Variants in HHAT observed in about 807,000 individuals in gnomAD.
HHAT encodes the protein protein-cysteine N-palmitoyltransferase HHAT.
HHAT carries 47 observed loss-of-function variants against 70.8 expected under a neutral mutation model. That is an observed-to-expected ratio of 0.66 (90% confidence interval 0.53 to 0.85). The LOEUF is 0.85. Ranked by LOEUF, HHAT falls within the 40% of genes least tolerant of loss-of-function variation. The pLI, the probability that HHAT is intolerant of heterozygous loss-of-function variation, is 0.00. For synonymous variants in HHAT, 228 were observed against 247.6 expected (o/e 0.92, Z 0.74); for missense variants, 609 against 604.8 (o/e 1.01, Z -0.07).
chr1:210,586,153 G>A (rs1344307971), intron 9 of HHAT, among the ~76,000 whole-genome samples: 1 of 152,094 alleles, frequency 6.6e-6, no homozygotes, highest in African/African-American at 2.4e-5. Flanking sequence ...CTATACAGTT[G>A]TTCTATTAAG....
intron 6 of HHAT, among the ~76,000 whole-genome samples, chr1:210,415,487 A>G (rs1481102889): frequency 4.6e-5 from 7 of 152,228 alleles, no homozygotes; most frequent in African/African-American, 9.6e-5. Context: ...AGGATACCCA[A>G]TCTTGCTTCT....
chr1:210,386,230 C>CTTTCTTTCTTTTTTTTTTTTTTTT (rs1324452281), intron 3 of HHAT, among the ~76,000 whole-genome samples: 1 of 69,922 alleles, frequency 1.4e-5, no homozygotes, highest in South Asian at 6.3e-4. Context: ...TTCTTTTTTT[C>CTTTCTTTCTTTTTTTTTTTTTTTT]TTTTTTTTTT....
intron 9 of HHAT, among the ~76,000 whole-genome samples, chr1:210,556,016 T>C (rs2095568943): frequency 6.6e-6 from 1 of 151,212 alleles, no homozygotes; most frequent in African/African-American, 2.4e-5. Context: ...CCTTCCCCAA[T>C]TTTTTTTTAA....
intron 11 of HHAT, among the ~76,000 whole-genome samples, chr1:210,662,358 G>A (rs1013677511): frequency 7.2e-5 from 11 of 152,292 alleles, no homozygotes; most frequent in African/African-American, 2.6e-4. Context: ...CGGTTGTCAG[G>A]GGTGTCTGAC....
chr1:210,390,168 AAAAG>A (rs2091360851), intron 4 of HHAT, among the ~76,000 whole-genome samples: 2 of 152,218 alleles, frequency 1.3e-5, no homozygotes, highest in Admixed American at 6.5e-5. Context: ...CTAGATGAAA[AAAAG>A]AAAGAGAAAT....
intron 1 of HHAT, among the ~76,000 whole-genome samples, chr1:210,339,959 ATTC>A (rs2085861568): frequency 6.6e-6 from 1 of 152,152 alleles, no homozygotes; most frequent in Non-Finnish European, 1.5e-5. Context: ...CTATCTAGTC[ATTC>A]TTCTGTGTTG....
intron 8 of HHAT, among the ~76,000 whole-genome samples, chr1:210,481,076 A>G (rs1310702099): frequency 3.3e-5 from 5 of 152,044 alleles, no homozygotes; most frequent in African/African-American, 4.8e-5. Flanking sequence ...AGCGAATGAT[A>G]TGGTGTGTTA....
intron 10 of HHAT, among the ~76,000 whole-genome samples, chr1:210,617,816 T>C (rs578012965): frequency 6.6e-6 from 1 of 152,362 alleles, no homozygotes; most frequent in East Asian, 1.9e-4. Flanking sequence ...AAAATATAAC[T>C]GCATTGACCT....
intron 7 of HHAT, among the ~76,000 whole-genome samples, chr1:210,437,005 G>A (rs1195861519): frequency 6.6e-6 from 1 of 151,866 alleles, no homozygotes; most frequent in East Asian, 1.9e-4. Context: ...ATGGGAAGAA[G>A]ATATCTTAGG....
chr1:210,378,793 T>C (rs2090420030), intron 3 of HHAT, among the ~76,000 whole-genome samples: 1 of 152,256 alleles, frequency 6.6e-6, no homozygotes, highest in Non-Finnish European at 1.5e-5. Flanking sequence ...TGGGTTGACC[T>C]AGCTGGTGTT....
intron 7 of HHAT, among the ~76,000 whole-genome samples, chr1:210,454,102 C>T (rs183689413): frequency 6.2e-4 from 94 of 152,254 alleles, no homozygotes; most frequent in Non-Finnish European, 1.2e-3. Flanking sequence ...GACTGGCCCC[C>T]GTGATTCATT....
chr1:210,506,391 T>G (rs1446855669), intron 8 of HHAT, among the ~76,000 whole-genome samples: 1 of 152,186 alleles, frequency 6.6e-6, no homozygotes, highest in Non-Finnish European at 1.5e-5. Context: ...AGGTCATCCA[T>G]TCCAGTTTTT....
chr1:210,535,551 G>T (rs147017271), intron 9 of HHAT, among the ~76,000 whole-genome samples: 1 of 151,928 alleles, frequency 6.6e-6, no homozygotes, highest in South Asian at 2.1e-4. Context: ...TCAGTAGGAG[G>T]GGGTAGACCA....
intron 7 of HHAT, among the ~76,000 whole-genome samples, chr1:210,426,575 C>T (rs757407288): frequency 2.0e-5 from 3 of 152,080 alleles, no homozygotes; most frequent in Non-Finnish European, 4.4e-5. Flanking sequence ...TTATTGAAAG[C>T]TTTTTCTGCA....
At position 210,385,252 on chromosome 1, in the gene HHAT, CTTTTTTT is replaced by C. The variant is rs55887436; in HGVS notation, c.160-2207_160-2201del. Among the ~76,000 whole-genome samples, 432 of 138,918 alleles carry C rather than the reference CTTTTTTT, an allele frequency of 3.1e-3. 4 individuals are homozygous for C. The highest frequency in any genetic ancestry group is 0.011 in the African/African-American group (423 of 37,262). The allele number at this position is 138,918 out of a possible 152,430, so 91.1% of individuals were successfully genotyped here. ...GTATTTAAAAAGCTCATATGTTTTT[CTTTTTTT>C]TTTTTTTTCTTTTTGAGTTTGTATT... On this transcript the variant is annotated intron_variant, in intron 3 of 11. Transcript: ENST00000261458.
intron 10 of HHAT, among the ~76,000 whole-genome samples, chr1:210,609,702 C>T (rs1666208428): frequency 6.6e-6 from 1 of 152,096 alleles, no homozygotes; most frequent in Non-Finnish European, 1.5e-5. Context: ...GTGTTGTTCC[C>T]CACCATGGGT....
intron 11 of HHAT, among the ~76,000 whole-genome samples, chr1:210,647,580 G>A (rs1369203517): frequency 1.3e-5 from 2 of 152,004 alleles, no homozygotes; most frequent in South Asian, 4.1e-4. Flanking sequence ...CCCCAGCCCT[G>A]TAAACCTGTC....
intron 8 of HHAT, among the ~76,000 whole-genome samples, chr1:210,512,642 G>C (rs1327204835): frequency 1.4e-5 from 2 of 140,586 alleles, no homozygotes; most frequent in Non-Finnish European, 3.0e-5. Context: ...CTGCACTTCA[G>C]CCTGGGTGAC....
At position 210,551,745 on chromosome 1, in the gene HHAT, A is replaced by G. The variant is rs186494208; in HGVS notation, c.1044-36153A>G. ...AAAACAAATTGGATTATCAGCTCCC[A>G]GCCTGCTTTGGTAACCCAGGTACTT... On this transcript the variant is annotated intron_variant, in intron 9 of 11. Coordinates refer to ENST00000261458, the MANE Select transcript of HHAT (RefSeq NM_018194.6). Among the ~76,000 whole-genome samples, 302 of 152,374 alleles carry G rather than the reference A, an allele frequency of 2.0e-3. 2 individuals are homozygous for G. The highest frequency in any genetic ancestry group is 0.01 in the Middle Eastern group (3 of 294).
Sources: allele counts gnomAD v4.1 joint callset (sites outside exome capture counted in the v4.1 genomes callset), GRCh38; gene constraint gnomAD v4.1.1; transcripts MANE v1.5; gene names NCBI Gene and HGNC (gene_info 2026-07-23, HGNC 2026-07-21).